WWOX: variants seen among roughly 807,000 people sequenced by gnomAD.
WWOX encodes WW domain containing oxidoreductase, also known as WW domain-containing oxidoreductase.
Under a neutral mutation model 46.2 loss-of-function variants are expected in WWOX, and 69 were observed. The observed-to-expected ratio is 1.49, with a 90% CI of 1.23 to 1.82. WWOX has a LOEUF of 1.82. Ranked by LOEUF, WWOX falls within the 40% of genes most tolerant of loss-of-function variation. The pLI, the probability that WWOX is intolerant of heterozygous loss-of-function variation, is 0.00. For synonymous variants in WWOX, 359 were observed against 202.6 expected (o/e 1.77, Z -6.56); for missense variants, 919 against 542.6 (o/e 1.69, Z -6.89).
intron 8 of WWOX, among the ~76,000 whole-genome samples, chr16:78,661,573 AT>A (rs1244678989): frequency 7.6e-6 from 1 of 131,002 alleles, no homozygotes; most frequent in African/African-American, 2.9e-5. Context: ...TATTTTTATC[AT>A]TTTCCGTAAA....
chr16:79,026,519 C>T (rs1490061717), intron 8 of WWOX, among the ~76,000 whole-genome samples: 2 of 149,028 alleles, frequency 1.3e-5, no homozygotes, highest in Admixed American at 1.3e-4. Flanking sequence ...TTTTCTGCTC[C>T]AGACAATGAT....
chr16:78,429,896 A>C (rs778817144), intron 7 of WWOX, among the ~76,000 whole-genome samples: 1 of 152,202 alleles, frequency 6.6e-6, no homozygotes, highest in Non-Finnish European at 1.5e-5. Context: ...GTATCCGTGG[A>C]TGAATCACCT....
intron 5 of WWOX, among the ~76,000 whole-genome samples, chr16:78,213,794 G>C (rs532904344): frequency 1.1e-4 from 16 of 152,190 alleles, no homozygotes; most frequent in Middle Eastern, 6.8e-3. Flanking sequence ...AACCTGCTTG[G>C]CTTCATGAAG....
At chr16:78,322,162 G>A (rs964748464) in intron 5 of WWOX, among the ~76,000 whole-genome samples, 1 of 152,080 alleles carries the variant, frequency 6.6e-6, no homozygotes, top group East Asian at 1.9e-4. Context: ...GATGGTTGGT[G>A]GGGGGAAGAC....
intron 5 of WWOX, among the ~76,000 whole-genome samples, chr16:78,366,821 G>C (rs938236785): frequency 1.3e-5 from 2 of 151,972 alleles, no homozygotes; most frequent in Non-Finnish European, 2.9e-5. Context: ...GCAGGTGGTT[G>C]GATTAGTATT....
rs113637307 is a variant in WWOX at position 79,174,510 on chromosome 16, G to A, written c.1057-37098G>A. On this transcript the variant is annotated intron_variant, in intron 8 of 8. Transcript: ENST00000566780. ...CTAAAAATACAAAAATTAGCCAGGC[G>A]TGGTGGCGCATGCCTATAATCCCAG... 7.6e-3 allele frequency among the ~76,000 whole-genome samples: 1,157 copies of A among 152,258 alleles called. 6 individuals are homozygous for A. Among genetic ancestry groups the A allele is most frequent in the South Asian group, 0.016 (75 of 4,826 alleles).
At chr16:78,861,777 A>C (rs1346856211) in intron 8 of WWOX, among the ~76,000 whole-genome samples, 1 of 152,226 alleles carries the variant, frequency 6.6e-6, no homozygotes, top group Non-Finnish European at 1.5e-5. Context: ...TTGGTTGAAT[A>C]GTTTCTGTCT....
intron 8 of WWOX, among the ~76,000 whole-genome samples, chr16:78,797,017 G>C (rs755838330): frequency 6.6e-6 from 1 of 151,760 alleles, no homozygotes; most frequent in Non-Finnish European, 1.5e-5. Context: ...GTAGTGCCGG[G>C]GTTTCACCAT....
At chr16:78,678,154 T>A (rs1354569286) in intron 8 of WWOX, among the ~76,000 whole-genome samples, 1 of 152,184 alleles carries the variant, frequency 6.6e-6, no homozygotes, top group Non-Finnish European at 1.5e-5. Context: ...TGCCTTGGTC[T>A]CTCCTGGGTC....
chr16:78,977,829 A>T (rs2046603681), intron 8 of WWOX, among the ~76,000 whole-genome samples: 1 of 152,176 alleles, frequency 6.6e-6, no homozygotes, highest in East Asian at 1.9e-4. Flanking sequence ...GAAGCAGCAG[A>T]CACACATAAA....
intron 8 of WWOX, among the ~76,000 whole-genome samples, chr16:79,082,348 C>G (rs898898118): frequency 6.6e-6 from 1 of 152,176 alleles, no homozygotes; most frequent in Non-Finnish European, 1.5e-5. Flanking sequence ...GAGCATCCAT[C>G]TCCTTTGTAA....
chr16:78,463,490 A>C (rs1357718876), intron 8 of WWOX, among the ~76,000 whole-genome samples: 1 of 152,158 alleles, frequency 6.6e-6, no homozygotes, highest in East Asian at 1.9e-4. Context: ...AGTTGTGCTG[A>C]GTAGCTGTCA....
intron 8 of WWOX, among the ~76,000 whole-genome samples, chr16:78,747,851 A>T (rs2049384589): frequency 6.6e-6 from 1 of 152,128 alleles, no homozygotes; most frequent in Non-Finnish European, 1.5e-5. Flanking sequence ...TCAAGGATAA[A>T]CTATAATCTT....
rs544191881 is a variant in WWOX, at chr16:78,916,037, C to T, written c.1057-295571C>T. ...CTAATTAGGGAAAGGGAATTTGGAA[C>T]CATTGTCTTCTCTGAGTGTGCAGAC... On this transcript the variant is annotated intron_variant, in intron 8 of 8. Coordinates refer to ENST00000566780, the MANE Select transcript of WWOX (RefSeq NM_016373.4). Among the ~76,000 whole-genome samples the T allele has an allele frequency of 3.3e-5, 5 of 152,278 alleles. No homozygotes were observed. The South Asian group carries it at 1.0e-3, about 32-fold the overall frequency.
chr16:79,066,444 A>T (rs894798424), intron 8 of WWOX, among the ~76,000 whole-genome samples: 1 of 152,288 alleles, frequency 6.6e-6, no homozygotes, highest in South Asian at 2.1e-4. Flanking sequence ...TTAGGCTCAC[A>T]GTTGAGCTCA....
At chr16:78,788,715 A>G (rs1443128921) in intron 8 of WWOX, among the ~76,000 whole-genome samples, 1 of 152,174 alleles carries the variant, frequency 6.6e-6, no homozygotes, top group South Asian at 2.1e-4. Flanking sequence ...GCTCCAGCAA[A>G]TTAATCAAAC....
intron 8 of WWOX, among the ~76,000 whole-genome samples, chr16:78,633,808 C>T (rs572438236): frequency 3.3e-5 from 5 of 152,176 alleles, no homozygotes; most frequent in East Asian, 1.9e-4. Context: ...GCTGTGTTCC[C>T]GAGTGCATCA....
At chr16:78,454,291 A>G (rs1413303342) in intron 8 of WWOX, among the ~76,000 whole-genome samples, 2 of 152,070 alleles carry the variant, frequency 1.3e-5, no homozygotes, top group Non-Finnish European at 2.9e-5. Context: ...GCATCTCTCA[A>G]ACTTTTTTGG....
intron 8 of WWOX, among the ~76,000 whole-genome samples, chr16:78,487,502 G>A (rs960610551): frequency 2.0e-5 from 3 of 152,164 alleles, no homozygotes; most frequent in Admixed American, 6.5e-5. Flanking sequence ...GAGGGTTTGC[G>A]AGAGGCATGG....
Sources: gnomAD v4.1 joint callset for allele counts (sites outside exome capture counted in the v4.1 genomes callset) on GRCh38, gnomAD v4.1.1 for gene constraint, MANE v1.5 for transcripts, NCBI Gene and HGNC (gene_info 2026-07-23, HGNC 2026-07-21) for gene names.